CDH22: variants seen among roughly 807,000 people sequenced by gnomAD.
CDH22 encodes the protein cadherin-22.
CDH22 carries 30 observed loss-of-function variants against 58.4 expected under a neutral mutation model. That is an observed-to-expected ratio of 0.51 (90% CI 0.38 to 0.70). The LOEUF (loss-of-function observed/expected upper bound fraction) is 0.70, where lower values mean the gene tolerates loss of function less well. Ranked by LOEUF, CDH22 falls within the 30% of genes least tolerant of loss-of-function variation. The pLI is 0.00. For missense variants in CDH22, 1,014 were observed against 1,233.9 expected, an observed-to-expected ratio of 0.82 and a Z score of 2.67; for synonymous variants, 513 against 558.2, an observed-to-expected ratio of 0.92 and a Z score of 1.14.
In CDH22 at chr20:46,178,180, G is replaced by A; in HGVS notation, c.1681C>T (p.His561Tyr). The stretch of plus-strand genomic sequence containing the variant: ...CGGTTGAAGCCCACGTGCTGCGTGT[G>A]CACTGCAGCGGTGTTGTCTGTTCCG... ...LDIQDNTAAV[H>Y]TQHVGFNRQE... is the part of the protein sequence containing the mutation. The change falls in exon 11 of 12, where the codon CAC becomes TAC. Residue 561 changes from histidine (H) to tyrosine (Y), a missense_variant. Around this residue, in one of 2 missense-constraint regions of CDH22, gnomAD observed 806 missense variants for 1,038.7 expected, o/e 0.78. Coordinates refer to ENST00000537909, the MANE Select transcript of CDH22 (RefSeq NM_021248.3). 3 of 1,613,712 alleles carry A rather than the reference G, an allele frequency of 1.9e-6. No individual in the cohort carries two copies. The highest frequency in any genetic ancestry group is 1.3e-5 in the African/African-American group (1 of 75,030).
At chr20:46,248,000 G>T (rs1877346641) in intron 2 of CDH22, among the ~76,000 whole-genome samples, 1 of 152,202 alleles carries the variant, frequency 6.6e-6, no homozygotes, top group South Asian at 2.1e-4. Context: ...ACAGTGCTTG[G>T]CTCCTGGCAG....
chr20:46,262,770 C>T (rs1047721714), intron 1 of CDH22, among the ~76,000 whole-genome samples: 3 of 152,210 alleles, frequency 2.0e-5, no homozygotes, highest in Non-Finnish European at 4.4e-5. Flanking sequence ...CCACTACCCA[C>T]GTGGCCCACT....
At chr20:46,254,842 G>C (rs1339426576) in intron 1 of CDH22, among the ~76,000 whole-genome samples, 1 of 152,042 alleles carries the variant, frequency 6.6e-6, no homozygotes, top group East Asian at 1.9e-4. Context: ...CCACACAGAG[G>C]GAACAGCATG....
In CDH22 at chr20:46,266,260, G is replaced by A. The variant is rs930558408; in HGVS notation, c.-399-14567C>T. ...TCTCACCTACTCTGGGCTGGGGTGGGAACTGAGGTGGCCCCAGGTGGCCTT... is the reference window on the plus strand; with the variant it reads ...TCTCACCTACTCTGGGCTGGGGTGGAAACTGAGGTGGCCCCAGGTGGCCTT... On this transcript the variant is annotated intron_variant, in intron 1 of 11. Transcript: ENST00000537909. Among the ~76,000 whole-genome samples the A allele has an allele frequency of 3.9e-5, 6 of 152,208 alleles. 1 individual carries two copies. The South Asian group carries it at 6.2e-4, about 16-fold the overall frequency.
intron 10 of CDH22, among the ~76,000 whole-genome samples, chr20:46,183,440 A>T (rs996619713): frequency 6.6e-6 from 1 of 152,014 alleles, no homozygotes; most frequent in African/African-American, 2.4e-5. Flanking sequence ...TTAATTATTG[A>T]TTGACTGAGA....
chr20:46,197,834 T>C (rs2085918150), intron 8 of CDH22, among the ~76,000 whole-genome samples: 1 of 152,146 alleles, frequency 6.6e-6, no homozygotes, highest in African/African-American at 2.4e-5. Flanking sequence ...GCCTAGGGAC[T>C]TCCTTGACCC....
chr20:46,240,940 C>T, intron 3 of CDH22, 23 bp downstream of exon 3: 3 of 1,598,210 alleles, frequency 1.9e-6, no homozygotes, highest in African/African-American at 2.7e-5. Context: ...TCCCATCCCC[C>T]ACCCCCAGGG....
intron 1 of CDH22, among the ~76,000 whole-genome samples, chr20:46,263,406 C>CTCTG (rs1555806371): frequency 2.5e-4 from 37 of 150,488 alleles, no homozygotes; most frequent in African/African-American, 7.6e-4. Context: ...GCCTTCCATT[C>CTCTG]TGTGTGTGTG....
At position 46,210,301 on chromosome 20, in the gene CDH22, T is replaced by C. The variant is rs2086031723; in HGVS notation, c.1286+6A>G. The C allele has an allele frequency of 1.4e-6, 2 of 1,412,510 alleles. No homozygotes were observed. The highest frequency in any genetic ancestry group is 1.8e-6 in the Non-Finnish European group (2 of 1,089,438). The allele number at this position is 1,412,510 out of a possible 1,614,324, so 87.5% of individuals were successfully genotyped here. A position where few individuals can be genotyped will look rare whatever the true frequency, so the allele number is the denominator to read the frequency against. On this transcript the variant is annotated splice_donor_region_variant and intron_variant, in intron 7 of 11. Coordinates refer to ENST00000537909, the MANE Select transcript of CDH22 (RefSeq NM_021248.3). The surrounding 1 kb of genome is among the most constrained non-coding windows in gnomAD (Gnocchi z 4.5). Reference sequence around the variant, plus strand: ...AGCAGGCGTCGGCCCCGGGCGGGGGTCTCACCGGACGGGCCGGTTGGCGGC... The same window carrying C: ...AGCAGGCGTCGGCCCCGGGCGGGGGCCTCACCGGACGGGCCGGTTGGCGGC...
intron 10 of CDH22, among the ~76,000 whole-genome samples, chr20:46,179,186 G>A (rs2085766302): frequency 6.6e-6 from 1 of 152,240 alleles, no homozygotes; most frequent in Non-Finnish European, 1.5e-5. Flanking sequence ...GGGGTACGAA[G>A]TGCCCAGAGC....
chr20:46,239,467 T>C (rs1241719367), intron 3 of CDH22, among the ~76,000 whole-genome samples: 1 of 152,234 alleles, frequency 6.6e-6, no homozygotes, highest in Non-Finnish European at 1.5e-5. Context: ...CCATTCTCTC[T>C]GGTTCACCTC....
intron 2 of CDH22, among the ~76,000 whole-genome samples, chr20:46,242,523 C>G (rs1007256771): frequency 3.3e-5 from 5 of 152,234 alleles, no homozygotes; most frequent in African/African-American, 1.2e-4. Context: ...ATACAAGGCC[C>G]TTAGCAGGTG....
intron 10 of CDH22, among the ~76,000 whole-genome samples, chr20:46,183,623 G>T (rs977771482): frequency 6.6e-6 from 1 of 152,040 alleles, no homozygotes; most frequent in South Asian, 2.1e-4. Flanking sequence ...AAAGAGATGG[G>T]TTTTCACTGT....
intron 1 of CDH22, among the ~76,000 whole-genome samples, chr20:46,253,550 G>A (rs983826164): frequency 6.6e-6 from 1 of 152,162 alleles, no homozygotes; most frequent in African/African-American, 2.4e-5. Flanking sequence ...GCCTGGGCAC[G>A]AGGCTTCCCA....
Position 46,241,231 on chromosome 20 carries a change from G to A in CDH22, c.282C>T (p.Asp94=), listed in dbSNP as rs748433122. The A allele has an allele frequency of 2.0e-5, 32 of 1,609,244 alleles. No individual in the cohort carries two copies. The South Asian group carries it at 2.8e-4, about 14-fold the overall frequency. Residue 94 remains aspartate (D), a synonymous_variant, in exon 3 of 12, where the codon GAC becomes GAT. Coordinates refer to ENST00000537909, the MANE Select transcript of CDH22 (RefSeq NM_021248.3). The surrounding 1 kb of genome is among the most constrained non-coding windows in gnomAD (Gnocchi z 5.2). ...CTGAGATGGTGTACTTGATGGCCCCGTCACCCTCGTCTGAGTCGGAGTGGA... is the reference window on the plus strand; with the variant it reads ...CTGAGATGGTGTACTTGATGGCCCCATCACCCTCGTCTGAGTCGGAGTGGA... The part of the protein sequence containing the change: ...GKIHSDSDEG[D]GAIKYTISGE...
intron 10 of CDH22, among the ~76,000 whole-genome samples, chr20:46,184,058 C>T (rs1336669224): frequency 6.6e-6 from 1 of 152,060 alleles, no homozygotes; most frequent in Non-Finnish European, 1.5e-5. Flanking sequence ...CCAGGCCACC[C>T]TATTTAAGAA....
At chr20:46,220,011 T>C (rs575621522) in intron 4 of CDH22, 83 of 151,074 alleles carry the variant, frequency 5.5e-4, no homozygotes, top group Non-Finnish European at 4.4e-5. Flanking sequence ...GCGAAGGTGA[T>C]GGACAGGGAA....
Position 46,186,812 on chromosome 20 carries a change from C to T in CDH22, c.1545+14G>A. On this transcript the variant is annotated intron_variant, in intron 9 of 11. Transcript: ENST00000537909. ...CCTGGAAGCAACGCCCAGTCCCCAC[C>T]CCCTCAGGGGTACCTGGCCTGGCTT... 6.3e-7 allele frequency: 1 copy of T among 1,597,904 alleles called. No homozygotes were observed. The highest frequency in any genetic ancestry group is 1.1e-5 in the South Asian group (1 of 88,160).
intron 1 of CDH22, among the ~76,000 whole-genome samples, chr20:46,264,288 G>A (rs2086447912): frequency 6.6e-6 from 1 of 152,152 alleles, no homozygotes; most frequent in African/African-American, 2.4e-5. Context: ...CCCAAGCTTT[G>A]TTCCTTTGGG....
Sources: gnomAD v4.1 joint callset for allele counts (sites outside exome capture counted in the v4.1 genomes callset) on GRCh38, gnomAD v4.1.1 for gene constraint, gnomAD v4.1.1 regional missense constraint, Gnocchi (gnomAD v3.1) non-coding constraint, MANE v1.5 for transcripts, NCBI Gene and HGNC (gene_info 2026-07-23, HGNC 2026-07-21) for gene names.